The following MLIP variants were observed in gnomAD, a reference collection of about 807,000 sequenced individuals.
MLIP encodes the protein muscular LMNA interacting protein, also known as muscular LMNA-interacting protein.
Under a neutral mutation model 84.8 loss-of-function variants are expected in MLIP, and 79 were observed. The ratio of observed to expected loss-of-function variants is 0.93; its 90% CI spans 0.78 to 1.12. The LOEUF (loss-of-function observed/expected upper bound fraction) is 1.12. Among genes scored for constraint, MLIP ranks in the 50% most tolerant of loss-of-function variants. The pLI, the probability that MLIP is intolerant of heterozygous loss-of-function variation, is 0.00. For missense variants in MLIP, 1,257 were observed against 1,160.6 expected (o/e 1.08, Z -1.21); for synonymous variants, 504 against 463.0 (o/e 1.09, Z -1.14).
chr6:54,134,073 G>T (rs1178323690), intron 3 of MLIP, among the ~76,000 whole-genome samples: 1 of 152,084 alleles, frequency 6.6e-6, no homozygotes, highest in Admixed American at 6.6e-5. Flanking sequence ...AACATAGAGG[G>T]TTATGAATGG....
At chr6:54,023,913 AAAAC>A (rs1168331597) in intron 1 of MLIP, among the ~76,000 whole-genome samples, 6 of 152,238 alleles carry the variant, frequency 3.9e-5, no homozygotes, top group Non-Finnish European at 8.8e-5. Context: ...AAAGAAATGG[AAAAC>A]AAACAAACAA....
In MLIP at chr6:54,068,032, CTTTT is replaced by C. The variant is rs753598861; in HGVS notation, c.63+48944_63+48947del. On this transcript the variant is annotated intron_variant, in intron 1 of 12. Transcript: ENST00000274897. ...TGTCAGCTCCTTCCTTCCTTCCTTC[CTTTT>C]TTCTTTCCTTCCTTCCTTCCTTCCT... Among the ~76,000 whole-genome samples the C allele has an allele frequency of 3.7e-3, 179 of 48,180 alleles. 55 individuals are homozygous for C. Among genetic ancestry groups the C allele is most frequent in the Non-Finnish European group, 9.0e-3 (131 of 14,528 alleles). The allele number at this position is 48,180 out of a possible 152,430, so 31.6% of individuals were successfully genotyped here. A position where few individuals can be genotyped will look rare whatever the true frequency, so the allele number is the denominator to read the frequency against.
intron 1 of MLIP, among the ~76,000 whole-genome samples, chr6:54,101,991 G>GAA (rs1442813042): frequency 6.6e-6 from 1 of 151,782 alleles, no homozygotes; most frequent in African/African-American, 2.4e-5. Flanking sequence ...AACCATATTA[G>GAA]AAAGAAGATC....
intron 2 of MLIP, among the ~76,000 whole-genome samples, chr6:54,124,209 T>A (rs1770708869): frequency 6.6e-6 from 1 of 152,192 alleles, no homozygotes. Context: ...AAATGTCGTA[T>A]CATGACTTAC....
At chr6:54,191,043 C>T (rs1582454710) in intron 10 of MLIP, among the ~76,000 whole-genome samples, 1 of 151,988 alleles carries the variant, frequency 6.6e-6, no homozygotes, top group South Asian at 2.1e-4. Flanking sequence ...GATCCACCCG[C>T]CTCGACCTCC....
intron 1 of MLIP, among the ~76,000 whole-genome samples, chr6:54,077,711 C>T (rs1020963815): frequency 6.6e-6 from 1 of 152,130 alleles, no homozygotes; most frequent in Non-Finnish European, 1.5e-5. Context: ...CTGATAGCTG[C>T]ATAAACTTAA....
At chr6:54,054,074 G>T (rs1765512167) in intron 1 of MLIP, among the ~76,000 whole-genome samples, 1 of 152,162 alleles carries the variant, frequency 6.6e-6, no homozygotes, top group Non-Finnish European at 1.5e-5. Flanking sequence ...TGGTGCTCAG[G>T]AATGTGGCAT....
chr6:54,151,370 A>G (rs556786942), intron 5 of MLIP, among the ~76,000 whole-genome samples: 1 of 152,276 alleles, frequency 6.6e-6, no homozygotes, highest in African/African-American at 2.4e-5. Context: ...TTAAAAAATA[A>G]ATCTGACAAT....
At chr6:54,053,416 C>CT in intron 1 of MLIP, among the ~76,000 whole-genome samples, 1 of 152,172 alleles carries the variant, frequency 6.6e-6, no homozygotes, top group Non-Finnish European at 1.5e-5. Context: ...GAGAAATTAT[C>CT]TTTTTTCTCC....
At chr6:54,240,132 C>T (rs1781635799) in intron 12 of MLIP, among the ~76,000 whole-genome samples, 1 of 152,044 alleles carries the variant, frequency 6.6e-6, no homozygotes, top group Non-Finnish European at 1.5e-5. Context: ...AAGTGACAAA[C>T]AACAACAACA....
intron 1 of MLIP, among the ~76,000 whole-genome samples, chr6:54,038,096 T>C (rs904121219): frequency 1.3e-5 from 2 of 151,894 alleles, no homozygotes; most frequent in Non-Finnish European, 2.9e-5. Context: ...GTGGTATGAG[T>C]ACCCATAAAA....
chr6:54,039,894 A>T (rs1209753336), intron 1 of MLIP, among the ~76,000 whole-genome samples: 1 of 151,988 alleles, frequency 6.6e-6, no homozygotes, highest in Non-Finnish European at 1.5e-5. Context: ...AGAATTCTCC[A>T]CCTACAGAGA....
chr6:54,239,717 G>T (rs1781605096), intron 12 of MLIP, among the ~76,000 whole-genome samples: 1 of 151,902 alleles, frequency 6.6e-6, no homozygotes, highest in Admixed American at 6.6e-5. Flanking sequence ...AACCCAGGAG[G>T]TGGAGGTTGC....
At chr6:54,061,925 C>A (rs1765986587) in intron 1 of MLIP, among the ~76,000 whole-genome samples, 1 of 152,172 alleles carries the variant, frequency 6.6e-6, no homozygotes, top group Admixed American at 6.5e-5. Flanking sequence ...ATTACTTTCT[C>A]AAGTTGGTTG....
intron 12 of MLIP, among the ~76,000 whole-genome samples, chr6:54,239,712 A>G (rs1781604915): frequency 6.6e-6 from 1 of 151,804 alleles, no homozygotes; most frequent in Non-Finnish European, 1.5e-5. Context: ...ACTTGAACCC[A>G]GGAGGTGGAG....
chr6:54,232,060 C>G (rs1199313538), intron 12 of MLIP, among the ~76,000 whole-genome samples: 1 of 151,678 alleles, frequency 6.6e-6, no homozygotes, highest in Non-Finnish European at 1.5e-5. Context: ...TTTTTCTGAC[C>G]TTTGTTTGTG....
intron 1 of MLIP, among the ~76,000 whole-genome samples, chr6:54,119,794 G>T (rs1266020457): frequency 6.6e-6 from 1 of 152,088 alleles, no homozygotes; most frequent in Non-Finnish European, 1.5e-5. Flanking sequence ...ACATCATGTT[G>T]TACATGATAA....
At position 54,257,192 on chromosome 6, in the gene MLIP, A is replaced by T. The variant is rs1783063602; in HGVS notation, c.2923-116A>T. 4.2e-6 allele frequency: 3 copies of T among 711,184 alleles called. No individual in the cohort carries two copies. The East Asian group carries it at 7.9e-5, about 19-fold the overall frequency. 44.1% of individuals were successfully genotyped at this position (711,184 alleles called of 1,614,324 possible). A position where few individuals can be genotyped will look rare whatever the true frequency, so the allele number is the denominator to read the frequency against. On this transcript the variant is annotated intron_variant, in intron 12 of 13. Transcript: ENST00000502396. The stretch of plus-strand genomic sequence containing the variant: ...TTAGTGTTTATACTTGGTAGAATCC[A>T]CTGTTATCTGCAATAAAATATTTAT...
chr6:54,029,899 C>A (rs1190788419), intron 1 of MLIP, among the ~76,000 whole-genome samples: 2 of 152,102 alleles, frequency 1.3e-5, no homozygotes, highest in African/African-American at 4.8e-5. Context: ...CCTAAATGAG[C>A]CACCATTTTC....
Sources: allele counts gnomAD v4.1 joint callset (sites outside exome capture counted in the v4.1 genomes callset), GRCh38; gene constraint gnomAD v4.1.1; transcripts MANE v1.5; gene names NCBI Gene and HGNC (gene_info 2026-07-23, HGNC 2026-07-21).